SCPPPQ1: variants seen among roughly 807,000 people sequenced by gnomAD.
SCPPPQ1 encodes the protein secretory calcium-binding phosphoprotein proline-glutamine rich 1.
chr4:87,469,863 T>C, the SCPPPQ1 span, among the ~76,000 whole-genome samples: 6 of 152,122 alleles, frequency 3.9e-5, no homozygotes, highest in African/African-American at 7.2e-5. Context: ...CATTACTTTC[T>C]ACTTTCTTAT....
chr4:87,470,793 C>CT, the SCPPPQ1 span, among the ~76,000 whole-genome samples: 5 of 152,162 alleles, frequency 3.3e-5, no homozygotes, highest in Admixed American at 6.5e-5. Context: ...TGATTTCAAT[C>CT]TTAGTGCTAC....
At chr4:87,467,545 A>G in the SCPPPQ1 span, among the ~76,000 whole-genome samples, 1 of 152,252 alleles carries the variant, frequency 6.6e-6, no homozygotes, top group South Asian at 2.1e-4. Flanking sequence ...GTAAGCTCGT[A>G]ACGGTCAAAG....
the SCPPPQ1 span, among the ~76,000 whole-genome samples, chr4:87,469,492 C>T: frequency 3.9e-5 from 6 of 152,120 alleles, no homozygotes; most frequent in African/African-American, 1.4e-4. Context: ...GTTCCGCTTT[C>T]CTCTTTTGTG....
At chr4:87,468,694 G>A in the SCPPPQ1 span, among the ~76,000 whole-genome samples, 4 of 152,178 alleles carry the variant, frequency 2.6e-5, no homozygotes, top group African/African-American at 7.2e-5. Flanking sequence ...TTAAGCTGCC[G>A]TGACACTTTA....
chr4:87,465,709 A>G, the SCPPPQ1 span, among the ~76,000 whole-genome samples: 2 of 152,012 alleles, frequency 1.3e-5, no homozygotes, highest in African/African-American at 2.4e-5. Context: ...CAATTATTCT[A>G]TATCTAGGGT....
the SCPPPQ1 span, among the ~76,000 whole-genome samples, chr4:87,467,469 C>G: frequency 3.3e-5 from 5 of 152,094 alleles, no homozygotes; most frequent in African/African-American, 1.2e-4. Context: ...AGAAAGAAAG[C>G]AACAAGGTGA....
the SCPPPQ1 span, among the ~76,000 whole-genome samples, chr4:87,461,362 ATTAT>A: frequency 6.6e-6 from 1 of 152,204 alleles, no homozygotes; most frequent in African/African-American, 2.4e-5. Flanking sequence ...TTTATGATAC[ATTAT>A]TTAAGTATGC....
the SCPPPQ1 span, among the ~76,000 whole-genome samples, chr4:87,464,725 C>A: frequency 6.6e-6 from 1 of 152,122 alleles, no homozygotes; most frequent in Admixed American, 6.6e-5. Context: ...GTAGTCCCAG[C>A]TACTCAGGAG....
chr4:87,463,083 T>A, the SCPPPQ1 span, among the ~76,000 whole-genome samples: 1 of 151,406 alleles, frequency 6.6e-6, no homozygotes, highest in Admixed American at 6.6e-5. Context: ...TTTTGTGAAA[T>A]ATCAAGGACA....
the SCPPPQ1 span, among the ~76,000 whole-genome samples, chr4:87,462,940 A>C: frequency 6.7e-6 from 1 of 149,044 alleles, no homozygotes; most frequent in African/African-American, 2.5e-5. Context: ...CAGAGGTTGC[A>C]GTGAGCCGAG....
At chr4:87,466,048 C>G in the SCPPPQ1 span, among the ~76,000 whole-genome samples, 2 of 152,060 alleles carry the variant, frequency 1.3e-5, no homozygotes, top group Admixed American at 1.3e-4. Context: ...ACAGCGATTC[C>G]TAAGTTCTAA....
chr4:87,461,035 T>G, the SCPPPQ1 span: 1 of 152,662 alleles, frequency 6.6e-6, no homozygotes, highest in Non-Finnish European at 1.5e-5. Context: ...TAGAGGAAGA[T>G]CTATCTGCTA....
chr4:87,462,958 C>G, the SCPPPQ1 span, among the ~76,000 whole-genome samples: 1 of 146,786 alleles, frequency 6.8e-6, no homozygotes, highest in Non-Finnish European at 1.5e-5. Context: ...GAGATCACGC[C>G]ACTGCACTCC....
chr4:87,465,924 G>A, the SCPPPQ1 span, among the ~76,000 whole-genome samples: 1 of 152,046 alleles, frequency 6.6e-6, no homozygotes, highest in Non-Finnish European at 1.5e-5. Context: ...TACTTTCTTT[G>A]CTTGCTTTGA....
chr4:87,470,839 T>C, the SCPPPQ1 span, among the ~76,000 whole-genome samples: 1 of 152,184 alleles, frequency 6.6e-6, no homozygotes, highest in Non-Finnish European at 1.5e-5. Context: ...TCCCTTTTCC[T>C]TTTTCATGTT....
the SCPPPQ1 span, among the ~76,000 whole-genome samples, chr4:87,468,414 T>C: frequency 1.3e-5 from 2 of 152,222 alleles, no homozygotes; most frequent in Admixed American, 1.3e-4. Flanking sequence ...AACACAAATT[T>C]TGAAAGCTCC....
At chr4:87,467,034 T>C in the SCPPPQ1 span, among the ~76,000 whole-genome samples, 1 of 152,222 alleles carries the variant, frequency 6.6e-6, no homozygotes, top group African/African-American at 2.4e-5. Context: ...TCTGCACCCA[T>C]GCACTTGCTG....
chr4:87,470,896 T>C, the SCPPPQ1 span, among the ~76,000 whole-genome samples: 3 of 152,210 alleles, frequency 2.0e-5, no homozygotes, highest in East Asian at 5.8e-4. Flanking sequence ...CTAATTTCTT[T>C]CTTCTTATTA....
the SCPPPQ1 span, among the ~76,000 whole-genome samples, chr4:87,467,157 T>C: frequency 2.6e-5 from 4 of 152,208 alleles, no homozygotes; most frequent in Admixed American, 2.0e-4. Context: ...GAAATACTTA[T>C]CAAATTACAT....
Sources: allele counts gnomAD v4.1 joint callset (sites outside exome capture counted in the v4.1 genomes callset), GRCh38; gene constraint gnomAD v4.1.1; transcripts MANE v1.5; gene names NCBI Gene and HGNC (gene_info 2026-07-23, HGNC 2026-07-21).